Variants in ODR4 observed in about 807,000 individuals in gnomAD.
ODR4 encodes odr-4 GPCR localization factor homolog, also known as protein odr-4 homolog.
ODR4 carries 47 observed loss-of-function variants against 60.2 expected under a neutral mutation model. The observed-to-expected ratio is 0.78, with a 90% CI of 0.62 to 1.00. The LOEUF is 1.00. Ranked by LOEUF, ODR4 falls within the 50% of genes least tolerant of loss-of-function variation. ODR4 has a pLI of 0.00. For missense variants in ODR4, 488 were observed against 530.8 expected (o/e 0.92, Z 0.79); for synonymous variants, 178 against 175.5 (o/e 1.01, Z -0.11).
At chr1:186,385,477 GC>G (rs1425340381) in intron 3 of ODR4, among the ~76,000 whole-genome samples, 1 of 151,494 alleles carries the variant, frequency 6.6e-6, no homozygotes, top group African/African-American at 2.4e-5. Context: ...ATCAGAGAAG[GC>G]AGCTTCCTCA....
chr1:186,430,474 A>T, the ODR4 span, among the ~76,000 whole-genome samples: 3 of 152,112 alleles, frequency 2.0e-5, no homozygotes, highest in Non-Finnish European at 4.4e-5. Flanking sequence ...CAGGTCTTAG[A>T]TTCTATTTTA....
At chr1:186,428,483 A>C in the ODR4 span, among the ~76,000 whole-genome samples, 1 of 152,206 alleles carries the variant, frequency 6.6e-6, no homozygotes, top group African/African-American at 2.4e-5. Context: ...GGTTTGATCT[A>C]TCTAAACCAC....
At chr1:186,405,090 A>G (rs369152139) in intron 11 of ODR4, among the ~76,000 whole-genome samples, 1 of 152,200 alleles carries the variant, frequency 6.6e-6, no homozygotes, top group East Asian at 1.9e-4. Context: ...TTTTCTAAAA[A>G]TGATTTAAGG....
the ODR4 span, among the ~76,000 whole-genome samples, chr1:186,434,235 A>G: frequency 2.0e-5 from 3 of 152,166 alleles, no homozygotes; most frequent in Non-Finnish European, 4.4e-5. Flanking sequence ...ATACTTGCTT[A>G]AAGAATTGTA....
intron 2 of ODR4, among the ~76,000 whole-genome samples, chr1:186,382,700 T>C (rs1276594920): frequency 6.6e-6 from 1 of 152,216 alleles, no homozygotes; most frequent in Non-Finnish European, 1.5e-5. Flanking sequence ...ATATTACTTT[T>C]TAGTTAATGT....
At chr1:186,383,951 A>C (rs983561484) in intron 3 of ODR4, among the ~76,000 whole-genome samples, 1 of 152,142 alleles carries the variant, frequency 6.6e-6, no homozygotes, top group African/African-American at 2.4e-5. Flanking sequence ...AGGCAGGAGA[A>C]TTGCTTGAAC....
At chr1:186,432,119 G>A in the ODR4 span, among the ~76,000 whole-genome samples, 2 of 152,064 alleles carry the variant, frequency 1.3e-5, no homozygotes, top group South Asian at 2.1e-4. Flanking sequence ...GGAGGTGGGA[G>A]GGGACCTAGG....
chr1:186,380,586 A>AG (rs1659986586), intron 2 of ODR4, among the ~76,000 whole-genome samples: 2 of 151,710 alleles, frequency 1.3e-5, no homozygotes, highest in South Asian at 4.2e-4. Flanking sequence ...AAAAAAAAAA[A>AG]AAAAGGAGAG....
At position 186,389,638 on chromosome 1, in the gene ODR4, T is replaced by C; in HGVS notation, c.474+14T>C. The C allele has an allele frequency of 6.8e-7, 1 of 1,469,082 alleles. No homozygotes were observed. Among genetic ancestry groups the C allele is most frequent in the Non-Finnish European group, 9.2e-7 (1 of 1,085,542 alleles). The allele number at this position is 1,469,082 out of a possible 1,614,324, so 91.0% of individuals were successfully genotyped here. A position where few individuals can be genotyped will look rare whatever the true frequency, so the allele number is the denominator to read the frequency against. ...CATGATCCAAAGGTAAGAAATTTAC[T>C]CTTTAAAGATTTTTCTGTGTCACAA... On this transcript the variant is annotated intron_variant, in intron 6 of 13. Transcript: ENST00000287859.
chr1:186,400,910 G>A, intron 11 of ODR4: 1 of 741,306 alleles, frequency 1.3e-6, no homozygotes, highest in South Asian at 1.5e-5. Context: ...CAGTCTAGCA[G>A]CCCCATCTCA....
intron 1 of ODR4, among the ~76,000 whole-genome samples, chr1:186,376,655 C>T: frequency 6.6e-6 from 1 of 152,158 alleles, no homozygotes; most frequent in Non-Finnish European, 1.5e-5. Flanking sequence ...AATAAATCAA[C>T]AGCGGAGCTT....
At chr1:186,412,020 C>T (rs1661398292) in intron 12 of ODR4, 1 of 176,960 alleles carries the variant, frequency 5.7e-6, no homozygotes, top group African/African-American at 2.4e-5. Context: ...CAGGACTCTG[C>T]CCTGTTTTTG....
chr1:186,402,301 C>G (rs1661010816), intron 11 of ODR4, among the ~76,000 whole-genome samples: 4 of 145,512 alleles, frequency 2.7e-5, no homozygotes, highest in Admixed American at 2.1e-4. Context: ...CTTTCCTTCT[C>G]TCCTCTCCTC....
intron 11 of ODR4, among the ~76,000 whole-genome samples, chr1:186,400,385 T>G (rs959914920): frequency 1.3e-5 from 2 of 152,082 alleles, no homozygotes; most frequent in African/African-American, 4.8e-5. Context: ...GTTCCAGCAA[T>G]TCTCCTGCCT....
the ODR4 span, among the ~76,000 whole-genome samples, chr1:186,427,965 T>C: frequency 2.8e-4 from 42 of 152,376 alleles, no homozygotes; most frequent in Non-Finnish European, 4.4e-4. Flanking sequence ...GTAGACGTGC[T>C]GTCATCCAAG....
the ODR4 span, among the ~76,000 whole-genome samples, chr1:186,431,825 T>C: frequency 6.6e-6 from 1 of 152,122 alleles, no homozygotes; most frequent in African/African-American, 2.4e-5. Flanking sequence ...ATTCTGATTT[T>C]AGAGAGCAAG....
chr1:186,417,711 TGTTA>T, intron 13 of ODR4, 57 bp downstream of exon 13: 4 of 938,060 alleles, frequency 4.3e-6, no homozygotes, highest in Non-Finnish European at 6.7e-6. Flanking sequence ...TGAGTTTTCT[TGTTA>T]CTTTAAGATC....
At chr1:186,393,517 T>C (rs1219422018) in intron 8 of ODR4, among the ~76,000 whole-genome samples, 1 of 152,242 alleles carries the variant, frequency 6.6e-6, no homozygotes, top group Non-Finnish European at 1.5e-5. Context: ...TTGTGATCTC[T>C]CACTTTTTAA....
intron 11 of ODR4, among the ~76,000 whole-genome samples, chr1:186,399,392 A>G (rs1348404457): frequency 6.6e-6 from 1 of 151,918 alleles, no homozygotes; most frequent in Non-Finnish European, 1.5e-5. Context: ...TTGTTTTTTT[A>G]GAGACAGGGT....
Sources: allele counts gnomAD v4.1 joint callset (sites outside exome capture counted in the v4.1 genomes callset), GRCh38; gene constraint gnomAD v4.1.1; transcripts MANE v1.5; gene names NCBI Gene and HGNC (gene_info 2026-07-23, HGNC 2026-07-21).